Variants in TRRAP observed in about 807,000 individuals in gnomAD.
TRRAP encodes the protein transformation/transcription domain associated protein.
TRRAP carries 41 observed loss-of-function variants against 438.8 expected under a neutral mutation model. The ratio of observed to expected loss-of-function variants is 0.09; its 90% CI spans 0.07 to 0.12. TRRAP has a LOEUF of 0.12. Ranked by LOEUF, TRRAP falls within the 10% of genes least tolerant of loss-of-function variation. The probability of loss-of-function intolerance (pLI) is 1.00; values close to 1 mark genes in which losing one functional copy is unlikely to be tolerated. For missense variants in TRRAP, 3,122 were observed against 5,055.1 expected (o/e 0.62, Z 11.60); for synonymous variants, 1,994 against 1,962.9 (o/e 1.02, Z -0.42).
chr7:98,985,406 C>A (rs1264128492), intron 62 of TRRAP, among the ~76,000 whole-genome samples: 1 of 152,210 alleles, frequency 6.6e-6, no homozygotes, highest in Non-Finnish European at 1.5e-5. Context: ...GGGGGCCAGC[C>A]ACATCCAGCC....
chr7:98,940,418 G>C (rs1320306862), intron 30 of TRRAP, among the ~76,000 whole-genome samples: 1 of 152,104 alleles, frequency 6.6e-6, no homozygotes, highest in Non-Finnish European at 1.5e-5. Flanking sequence ...TTAAACTCCT[G>C]ACCTCATGTG....
intron 68 of TRRAP, 122 bp downstream of exon 68, chr7:99,004,537 C>A: frequency 1.2e-6 from 1 of 841,150 alleles, no homozygotes; most frequent in Non-Finnish European, 1.8e-6. Flanking sequence ...CATGGGAGAA[C>A]ATAAGATGAT....
At chr7:98,995,701 A>G (rs1397938092) in intron 67 of TRRAP, among the ~76,000 whole-genome samples, 1 of 112,900 alleles carries the variant, frequency 8.9e-6, no homozygotes. Flanking sequence ...CCATCCCATC[A>G]TACACACACA....
At chr7:98,942,652 GCAC>G (rs1790849269) in intron 30 of TRRAP, among the ~76,000 whole-genome samples, 1 of 152,204 alleles carries the variant, frequency 6.6e-6, no homozygotes, top group South Asian at 2.1e-4. Flanking sequence ...ACACTTCCAA[GCAC>G]TCAGTGAACA....
In TRRAP at chr7:98,900,789, G is replaced by A. The variant is rs539228694; in HGVS notation, c.897+69G>A. 8.9e-6 allele frequency: 12 copies of A among 1,344,410 alleles called. No homozygotes were observed. The East Asian group carries it at 2.8e-4, about 31-fold the overall frequency. The allele number at this position is 1,344,410 out of a possible 1,614,324, so 83.3% of individuals were successfully genotyped here. A position where few individuals can be genotyped will look rare whatever the true frequency, so the allele number is the denominator to read the frequency against. ...CATACAATAAAATTCACCTTTTGTG[G>A]GTGTACAGTTCTAGGAATTGACAAA... On this transcript the variant is annotated intron_variant, in intron 11 of 72. Transcript: ENST00000456197.
At chr7:98,941,282 C>T (rs1222010380) in intron 30 of TRRAP, among the ~76,000 whole-genome samples, 1 of 152,120 alleles carries the variant, frequency 6.6e-6, no homozygotes, top group African/African-American at 2.4e-5. Flanking sequence ...TTCAAGCAAT[C>T]CTCCCACCTC....
intron 47 of TRRAP, among the ~76,000 whole-genome samples, chr7:98,963,221 C>T (rs1791997956): frequency 2.0e-5 from 3 of 152,208 alleles, no homozygotes; most frequent in Admixed American, 2.0e-4. Context: ...GAGTTCCTTG[C>T]TCTCCAAACT....
Position 99,012,408 on chromosome 7 carries a change from C to T in TRRAP, c.*53C>T, listed in dbSNP as rs962862225. On this transcript the variant is annotated 3_prime_UTR_variant, in exon 73 of 73. Coordinates refer to ENST00000456197, the MANE Select transcript of TRRAP (RefSeq NM_001375524.1). This position sits in a 1 kb window ranked among gnomAD's most constrained non-coding sequence, Gnocchi z 5.9. ...TGAAGGGCGCTCCGGGCTCTGAGCC[C>T]GCAGCTTTTACGACTTCTCCCTGCC... 7.7e-5 allele frequency: 116 copies of T among 1,514,952 alleles called. 1 individual carries two copies. The highest frequency in any genetic ancestry group is 4.8e-4 in the Middle Eastern group (2 of 4,190). 93.8% of individuals were successfully genotyped at this position (1,514,952 alleles called of 1,614,324 possible).
chr7:98,986,132 T>C (rs1269084236), intron 62 of TRRAP, among the ~76,000 whole-genome samples: 1 of 152,214 alleles, frequency 6.6e-6, no homozygotes, highest in African/African-American at 2.4e-5. Context: ...CCTGTTCTTT[T>C]TCATGGCTGA....
chr7:99,003,667 C>T (rs535303027), intron 67 of TRRAP, among the ~76,000 whole-genome samples: 53 of 152,360 alleles, frequency 3.5e-4, no homozygotes, highest in African/African-American at 1.3e-3. Flanking sequence ...CTCTCTTCCT[C>T]TTCCTCTCCA....
Position 98,908,804 on chromosome 7 carries a change from G to T in TRRAP, c.1192G>T (p.Ala398Ser). ...QHLPLSDLSL[A>S]VQLFAKNIDD... ...CCTGCCCCTCAGCGACCTCTCCCTC[G>T]CCGTCCAGCTCTTCGCCAAGAACAT... Residue 398 changes from alanine (A) to serine (S), a missense_variant, in exon 14 of 73, where the codon GCC (alanine) becomes TCC (serine). Ala to Ser is a moderately conservative substitution (Grantham distance 99). This residue lies in a region of TRRAP where 343 missense variants were observed against 564.0 expected (regional missense o/e 0.61). Transcript: ENST00000456197. This position sits in a 1 kb window ranked among gnomAD's most constrained non-coding sequence, Gnocchi z 4.1. The T allele has an allele frequency of 6.2e-7, 1 of 1,603,854 alleles. No homozygotes were observed. The highest frequency in any genetic ancestry group is 1.7e-5 in the Admixed American group (1 of 58,502).
chr7:98,925,543 C>T (rs545691539), intron 22 of TRRAP, among the ~76,000 whole-genome samples: 2 of 152,322 alleles, frequency 1.3e-5, no homozygotes, highest in African/African-American at 4.8e-5. Context: ...GGTCATGTCC[C>T]TTCTCCCTCC....
chr7:99,008,441 C>T lies in TRRAP; in HGVS notation c.10818C>T (p.Ser3606=). The change falls in exon 70 of 73, where the codon TCC becomes TCT. Residue 3606 remains serine (S), a synonymous_variant. Coordinates refer to ENST00000456197, the MANE Select transcript of TRRAP (RefSeq NM_001375524.1). The part of the protein sequence containing the change: ...RLVEDNPSSL[S]LVEIYKQRCA... ...TGGAGGACAACCCCTCTTCACTTTC[C>T]CTTGTGGAGATCTACAAGCAGCGCT... 2 of 1,614,096 alleles carry T rather than the reference C, an allele frequency of 1.2e-6. No individual in the cohort carries two copies. The highest frequency in any genetic ancestry group is 8.5e-7 in the Non-Finnish European group (1 of 1,180,012).
chr7:98,997,237 C>A (rs1375206459), intron 67 of TRRAP, among the ~76,000 whole-genome samples: 1 of 151,782 alleles, frequency 6.6e-6, no homozygotes, highest in South Asian at 2.1e-4. Flanking sequence ...ACTTGGGAGA[C>A]GGAGGTTGCA....
intron 12 of TRRAP, among the ~76,000 whole-genome samples, chr7:98,903,891 C>A (rs918668401): frequency 6.6e-6 from 1 of 152,148 alleles, no homozygotes; most frequent in Non-Finnish European, 1.5e-5. Context: ...CTTTTTAAAA[C>A]CATCAGATCT....
intron 56 of TRRAP, among the ~76,000 whole-genome samples, chr7:98,977,680 G>T (rs1226222866): frequency 6.6e-6 from 1 of 152,214 alleles, no homozygotes; most frequent in Non-Finnish European, 1.5e-5. Flanking sequence ...TACTCCCTGT[G>T]TCTGCCCTTC....
intron 8 of TRRAP, 152 bp from the exon 9 acceptor site, chr7:98,899,270 A>T: frequency 1.5e-6 from 1 of 663,594 alleles, no homozygotes; most frequent in South Asian, 1.8e-5. Context: ...TGGATCTTTC[A>T]TCAGTTTGGA....
chr7:98,952,184 GC>G (rs1280454603), intron 39 of TRRAP, among the ~76,000 whole-genome samples: 1 of 152,220 alleles, frequency 6.6e-6, no homozygotes, highest in Non-Finnish European at 1.5e-5. Flanking sequence ...ATTGAATGAT[GC>G]TGCCATTATA....
At chr7:98,879,572 G>A (rs1438268888) in intron 1 of TRRAP, among the ~76,000 whole-genome samples, 1 of 151,866 alleles carries the variant, frequency 6.6e-6, no homozygotes, top group Non-Finnish European at 1.5e-5. Context: ...GGATGGGGAT[G>A]GGCAGGGAGA....
Sources: allele counts gnomAD v4.1 joint callset (sites outside exome capture counted in the v4.1 genomes callset), GRCh38; gene constraint gnomAD v4.1.1; regional missense constraint gnomAD v4.1.1; non-coding constraint Gnocchi (gnomAD v3.1); transcripts MANE v1.5; gene names NCBI Gene and HGNC (gene_info 2026-07-23, HGNC 2026-07-21).